TMEM132B: variants seen among roughly 807,000 people sequenced by gnomAD.
TMEM132B encodes transmembrane protein 132B.
A neutral mutation model predicts 90.8 loss-of-function variants in TMEM132B; 18 were observed. The observed-to-expected ratio is 0.20, with a 90% CI of 0.14 to 0.29. The LOEUF is 0.29. Ranked by LOEUF, TMEM132B falls within the 10% of genes least tolerant of loss-of-function variation. The pLI, the probability that TMEM132B is intolerant of heterozygous loss-of-function variation, is 1.00. For synonymous variants in TMEM132B, 504 were observed against 523.3 expected, an observed-to-expected ratio of 0.96 and a Z score of 0.50; for missense variants, 1,096 against 1,326.8, an observed-to-expected ratio of 0.83 and a Z score of 2.70.
intron 1 of TMEM132B, among the ~76,000 whole-genome samples, chr12:125,202,018 A>G (rs1335144643): frequency 6.6e-6 from 1 of 152,128 alleles, no homozygotes. Flanking sequence ...CCCTTGCTGT[A>G]AATCCCTGTG....
At chr12:125,618,786 A>T (rs1361873149) in intron 5 of TMEM132B, among the ~76,000 whole-genome samples, 1 of 152,162 alleles carries the variant, frequency 6.6e-6, no homozygotes, top group Non-Finnish European at 1.5e-5. Context: ...TCAGAATATT[A>T]TGTTAATAAT....
chr12:125,627,727 A>G (rs1464459686), intron 5 of TMEM132B, among the ~76,000 whole-genome samples: 2 of 152,098 alleles, frequency 1.3e-5, no homozygotes, highest in Non-Finnish European at 2.9e-5. Context: ...GACTATAATC[A>G]TAGTCACCCT....
chr12:125,467,130 A>C (rs1881584067), intron 3 of TMEM132B, among the ~76,000 whole-genome samples: 2 of 152,136 alleles, frequency 1.3e-5, no homozygotes, highest in Admixed American at 6.5e-5. Flanking sequence ...TCTGTCAACC[A>C]CTACCCTCCC....
At chr12:125,337,333 A>C (rs1449270478) in intron 1 of TMEM132B, among the ~76,000 whole-genome samples, 1 of 151,832 alleles carries the variant, frequency 6.6e-6, no homozygotes, top group East Asian at 1.9e-4. Flanking sequence ...CTTCCTGCTC[A>C]CATCTAGTGT....
chr12:125,192,319 C>T (rs1009589841), intron 1 of TMEM132B, among the ~76,000 whole-genome samples: 2 of 152,152 alleles, frequency 1.3e-5, no homozygotes, highest in African/African-American at 4.8e-5. Context: ...AGAGTTGGTT[C>T]TCTTAGCTAC....
At chr12:125,422,278 CA>C (rs1378299048) in intron 3 of TMEM132B, among the ~76,000 whole-genome samples, 1 of 152,208 alleles carries the variant, frequency 6.6e-6, no homozygotes, top group Non-Finnish European at 1.5e-5. Flanking sequence ...CCTGAGGTCT[CA>C]GAGCCAGTAT....
At chr12:125,626,836 C>T (rs527962232) in intron 5 of TMEM132B, among the ~76,000 whole-genome samples, 6 of 152,252 alleles carry the variant, frequency 3.9e-5, no homozygotes, top group African/African-American at 1.2e-4. Flanking sequence ...GTTTTGGTGA[C>T]TGCCAGTAAT....
intron 1 of TMEM132B, among the ~76,000 whole-genome samples, chr12:125,242,153 C>A (rs1874085672): frequency 6.6e-6 from 1 of 152,148 alleles, no homozygotes; most frequent in Non-Finnish European, 1.5e-5. Context: ...GTATCACCCC[C>A]ATTTTTAAAA....
chr12:125,650,293 A>G (rs187758381), intron 6 of TMEM132B, among the ~76,000 whole-genome samples: 1 of 152,276 alleles, frequency 6.6e-6, no homozygotes, highest in African/African-American at 2.4e-5. Context: ...GAGAGGGTAG[A>G]GAACTTGGCA....
At chr12:125,368,365 C>T (rs556672967) in intron 2 of TMEM132B, among the ~76,000 whole-genome samples, 47 of 152,280 alleles carry the variant, frequency 3.1e-4, no homozygotes, top group Non-Finnish European at 5.1e-4. Context: ...TTGAGGTTCA[C>T]TTTAATTACA....
At chr12:125,259,452 A>T (rs1874511032) in intron 1 of TMEM132B, among the ~76,000 whole-genome samples, 1 of 152,160 alleles carries the variant, frequency 6.6e-6, no homozygotes, top group Admixed American at 6.5e-5. Flanking sequence ...AGAATTAGAG[A>T]AAAGCCCAGC....
chr12:125,563,971 A>C (rs1350822037), intron 4 of TMEM132B, among the ~76,000 whole-genome samples: 1 of 152,170 alleles, frequency 6.6e-6, no homozygotes, highest in Non-Finnish European at 1.5e-5. Context: ...TGGCCTGCAA[A>C]ACTGTGAGAG....
Position 125,349,755 on chromosome 12 carries a change from A to G in TMEM132B, c.371A>G (p.Lys124Arg). 1 of 1,614,252 alleles carries G rather than the reference A, an allele frequency of 6.2e-7. No homozygotes were observed. Among genetic ancestry groups the G allele is most frequent in the Non-Finnish European group, 8.5e-7 (1 of 1,180,054 alleles). The stretch of plus-strand genomic sequence containing the variant: ...ATGGACAAATTTCCCTTCAACTGGA[A>G]ATTGAAATCCCACATCCTTGACAGC... ...GNMDKFPFNW[K>R]LKSHILDSSI... is the part of the protein sequence containing the mutation. The change falls in exon 2 of 9, where the codon AAA (lysine) becomes AGA (arginine). Residue 124 changes from lysine to arginine, a missense_variant. By Grantham distance (26) the Lys-to-Arg change is conservative. Transcript: ENST00000682704. The surrounding 1 kb of genome is among the most constrained non-coding windows in gnomAD (Gnocchi z 4.1).
At chr12:125,248,496 C>T (rs145941884) in intron 1 of TMEM132B, among the ~76,000 whole-genome samples, 2 of 152,232 alleles carry the variant, frequency 1.3e-5, no homozygotes, top group African/African-American at 4.8e-5. Context: ...ACTTTATTAC[C>T]TTTATCTGGA....
Position 125,657,275 on chromosome 12 carries a change from G to A in TMEM132B, c.*2565G>A, listed in dbSNP as rs75768179. 677 of 151,948 alleles carry A rather than the reference G, an allele frequency of 4.5e-3. 11 individuals are homozygous for A. The highest frequency in any genetic ancestry group is 0.016 in the African/African-American group (656 of 41,400). The allele number at this position is 151,948 out of a possible 1,614,324, so 9.4% of individuals were successfully genotyped here. On this transcript the variant is annotated 3_prime_UTR_variant, in exon 9 of 9. Coordinates refer to ENST00000682704, the MANE Select transcript of TMEM132B (RefSeq NM_001366854.1). ...ATCAAATGGAAGGCCATGGGGGAAGGGTTCCTTCCACCATATAACCCACAC... is the reference window on the plus strand; with the variant it reads ...ATCAAATGGAAGGCCATGGGGGAAGAGTTCCTTCCACCATATAACCCACAC...
At chr12:125,347,975 G>A (rs1371845504) in intron 1 of TMEM132B, among the ~76,000 whole-genome samples, 1 of 152,118 alleles carries the variant, frequency 6.6e-6, no homozygotes, top group East Asian at 1.9e-4. Flanking sequence ...CATAAATGGT[G>A]AAAAACAAAA....
At chr12:125,497,563 G>A (rs1882593498) in intron 3 of TMEM132B, among the ~76,000 whole-genome samples, 1 of 152,172 alleles carries the variant, frequency 6.6e-6, no homozygotes, top group African/African-American at 2.4e-5. Context: ...GATACTTATT[G>A]TTCCTTTTGA....
chr12:125,236,230 C>T (rs924777421), intron 1 of TMEM132B, among the ~76,000 whole-genome samples: 1 of 152,052 alleles, frequency 6.6e-6, no homozygotes, highest in Non-Finnish European at 1.5e-5. Flanking sequence ...ACTGCAACCC[C>T]CTCCTCCCAG....
At chr12:125,258,970 T>C (rs2136108458) in intron 1 of TMEM132B, among the ~76,000 whole-genome samples, 1 of 152,122 alleles carries the variant, frequency 6.6e-6, no homozygotes, top group South Asian at 2.1e-4. Context: ...TTAGTAGACA[T>C]ACGATACGGC....
Sources: allele counts gnomAD v4.1 joint callset (sites outside exome capture counted in the v4.1 genomes callset), GRCh38; gene constraint gnomAD v4.1.1; non-coding constraint Gnocchi (gnomAD v3.1); transcripts MANE v1.5; gene names NCBI Gene and HGNC (gene_info 2026-07-23, HGNC 2026-07-21).